MAP3K13: variants seen among roughly 807,000 people sequenced by gnomAD.
The protein encoded by MAP3K13 is mitogen-activated protein kinase kinase kinase 13, also known as leucine zipper-bearing kinase.
Under a neutral mutation model 104.0 loss-of-function variants are expected in MAP3K13, and 52 were observed. The ratio of observed to expected loss-of-function variants is 0.50; its 90% CI spans 0.40 to 0.63. The LOEUF (loss-of-function observed/expected upper bound fraction) is 0.63. MAP3K13 is among the 20% of genes least tolerant of loss of function. MAP3K13 has a pLI of 0.00. For synonymous variants in MAP3K13, 394 were observed against 442.2 expected (o/e 0.89, Z 1.37); for missense variants, 914 against 1,218.5 (o/e 0.75, Z 3.72).
At chr3:185,434,570 T>G (rs1714918543) in intron 2 of MAP3K13, among the ~76,000 whole-genome samples, 1 of 152,148 alleles carries the variant, frequency 6.6e-6, no homozygotes, top group South Asian at 2.1e-4. Context: ...CTATTAGAAC[T>G]TATAATAAAA....
chr3:185,424,809 C>T (rs1714322113), intron 1 of MAP3K13, among the ~76,000 whole-genome samples: 1 of 152,066 alleles, frequency 6.6e-6, no homozygotes, highest in Non-Finnish European at 1.5e-5. Flanking sequence ...TAGTGCATGG[C>T]ACAATTCTCA....
At chr3:185,305,323 A>T (rs1295797673) in intron 2 of MAP3K13, among the ~76,000 whole-genome samples, 1 of 152,178 alleles carries the variant, frequency 6.6e-6, no homozygotes, top group Non-Finnish European at 1.5e-5. Context: ...TACATAAAAC[A>T]TCTTATAATT....
chr3:185,390,842 C>T (rs1577499789), intron 1 of MAP3K13, among the ~76,000 whole-genome samples: 1 of 151,818 alleles, frequency 6.6e-6, no homozygotes, highest in Non-Finnish European at 1.5e-5. Flanking sequence ...AGGATGGTCT[C>T]GATCTTTTGA....
At chr3:185,306,572 G>A (rs1302824411) in intron 2 of MAP3K13, among the ~76,000 whole-genome samples, 1 of 152,178 alleles carries the variant, frequency 6.6e-6, no homozygotes, top group Non-Finnish European at 1.5e-5. Flanking sequence ...CTGCATGTAT[G>A]TCTTGTTTTG....
In MAP3K13 at chr3:185,391,480, A is replaced by G. The variant is rs181416769; in HGVS notation, c.-86+28112A>G. The stretch of plus-strand genomic sequence containing the variant: ...GATAAACCGTAAACACAGGACCTAA[A>G]TAAATATCAGTTAATTTCAAAAACA... On this transcript the variant is annotated intron_variant, in intron 1 of 13. Coordinates refer to ENST00000265026, the MANE Select transcript of MAP3K13 (RefSeq NM_004721.5). Among the ~76,000 whole-genome samples, 519 of 152,258 alleles carry G rather than the reference A, an allele frequency of 3.4e-3. 6 individuals carry two copies. Among genetic ancestry groups the G allele is most frequent in the African/African-American group, 0.011 (469 of 41,594 alleles).
intron 7 of MAP3K13, among the ~76,000 whole-genome samples, chr3:185,455,219 T>A (rs796847197): frequency 2.3e-5 from 2 of 87,678 alleles, no homozygotes; most frequent in African/African-American, 7.9e-5. Context: ...ATGAGATATA[T>A]ATATGATATA....
Position 185,486,349 on chromosome 3 carries a change from T to C in MAP3K13, c.*3893T>C, listed in dbSNP as rs1323792495. The C allele has an allele frequency of 6.6e-6, 1 of 152,202 alleles. No homozygotes were observed. Among genetic ancestry groups the C allele is most frequent in the East Asian group, 1.9e-4 (1 of 5,206 alleles). The allele number at this position is 152,202 out of a possible 1,614,324, so 9.4% of individuals were successfully genotyped here. ...AGTCGAGAGTTGAATAAAGTCCATA[T>C]TGAACACATTTTTTTAAGTAGAATT... On this transcript the variant is annotated 3_prime_UTR_variant, in exon 14 of 14. Transcript: ENST00000265026.
At chr3:185,425,286 G>T (rs977812896) in intron 1 of MAP3K13, among the ~76,000 whole-genome samples, 7 of 152,114 alleles carry the variant, frequency 4.6e-5, no homozygotes, top group Admixed American at 4.6e-4. Context: ...TGAGCTAATC[G>T]TCTTCTTTCC....
chr3:185,466,537 C>G (rs924955954), intron 9 of MAP3K13, among the ~76,000 whole-genome samples: 3 of 151,824 alleles, frequency 2.0e-5, no homozygotes, highest in African/African-American at 7.3e-5. Context: ...CCACCATGCC[C>G]AGCTAATTTT....
At chr3:185,440,301 G>A (rs993844105) in intron 3 of MAP3K13, among the ~76,000 whole-genome samples, 10 of 152,244 alleles carry the variant, frequency 6.6e-5, no homozygotes, top group Admixed American at 2.0e-4. Context: ...CTCCTCGTTC[G>A]TCAGTCAAGA....
chr3:185,451,213 C>A, intron 6 of MAP3K13, 74 bp from the exon 7 acceptor site: 2 of 1,075,120 alleles, frequency 1.9e-6, no homozygotes, highest in Non-Finnish European at 2.7e-6. Flanking sequence ...CAATCTTCTT[C>A]ATAAAGTAAA....
intron 1 of MAP3K13, among the ~76,000 whole-genome samples, chr3:185,401,607 T>G (rs530335989): frequency 2.0e-5 from 3 of 152,364 alleles, no homozygotes; most frequent in South Asian, 4.1e-4. Context: ...GCAGAGGCAT[T>G]AACTATTAAA....
At chr3:185,380,731 G>A (rs13076191) in intron 1 of MAP3K13, among the ~76,000 whole-genome samples, 52,147 of 151,744 alleles carry the variant, frequency 0.34, 9,131 homozygotes, top group East Asian at 0.41. Context: ...AATTCTGATC[G>A]CTTGGCCTGG....
chr3:185,378,581 G>C (rs1320890615), intron 1 of MAP3K13, among the ~76,000 whole-genome samples: 2 of 152,112 alleles, frequency 1.3e-5, no homozygotes, highest in Non-Finnish European at 2.9e-5. Context: ...GAAGAATTGG[G>C]ACCTGGCTTG....
At chr3:185,355,006 C>T (rs1723292200) in intron 2 of MAP3K13, among the ~76,000 whole-genome samples, 1 of 152,122 alleles carries the variant, frequency 6.6e-6, no homozygotes, top group Non-Finnish European at 1.5e-5. Flanking sequence ...TCCCGGGGCC[C>T]TAATTTTCTC....
upstream of MAP3K13, among the ~76,000 whole-genome samples, chr3:185,358,781 A>C (rs900008278): frequency 9.8e-5 from 15 of 152,340 alleles, no homozygotes; most frequent in South Asian, 2.7e-3. Context: ...ATTCCCAACT[A>C]GGAGACAGAT....
chr3:185,430,723 C>T (rs1179477202), intron 2 of MAP3K13, among the ~76,000 whole-genome samples: 1 of 151,780 alleles, frequency 6.6e-6, no homozygotes, highest in Admixed American at 6.6e-5. Flanking sequence ...AGGTAAGCTC[C>T]AAAAAAATTT....
chr3:185,477,258 T>G, intron 11 of MAP3K13, 68 bp from the exon 12 acceptor site: 1 of 971,156 alleles, frequency 1.0e-6, no homozygotes, highest in Non-Finnish European at 1.7e-6. Flanking sequence ...TTACAGTTAG[T>G]GGGGATGGGG....
intron 2 of MAP3K13, among the ~76,000 whole-genome samples, chr3:185,336,857 A>G (rs1170429024): frequency 6.6e-6 from 1 of 152,048 alleles, no homozygotes; most frequent in Non-Finnish European, 1.5e-5. Flanking sequence ...GTCTGTATCT[A>G]TGTACATGTA....
Sources: allele counts gnomAD v4.1 joint callset (sites outside exome capture counted in the v4.1 genomes callset), GRCh38; gene constraint gnomAD v4.1.1; transcripts MANE v1.5; gene names NCBI Gene and HGNC (gene_info 2026-07-23, HGNC 2026-07-21).